Variants in LRFN5 observed in about 807,000 individuals in gnomAD.
The protein encoded by LRFN5 is leucine-rich repeat and fibronectin type-III domain-containing protein 5.
Under a neutral mutation model 45.6 loss-of-function variants are expected in LRFN5, and 24 were observed. The ratio of observed to expected loss-of-function variants is 0.53; its 90% CI spans 0.38 to 0.74. The LOEUF (loss-of-function observed/expected upper bound fraction) is 0.74. Among genes scored for constraint, LRFN5 ranks in the 30% least tolerant of loss-of-function variants. The pLI is 0.00. For missense variants in LRFN5, 776 were observed against 861.5 expected (o/e 0.90, Z 1.24); for synonymous variants, 340 against 313.8 (o/e 1.08, Z -0.88).
intron 2 of LRFN5, among the ~76,000 whole-genome samples, chr14:41,883,547 A>G (rs1890461518): frequency 6.6e-6 from 1 of 152,028 alleles, no homozygotes. Context: ...CCTTGTTTTC[A>G]TCTTTTATAA....
intron 2 of LRFN5, among the ~76,000 whole-genome samples, chr14:41,848,388 TAAAACA>T (rs561556821): frequency 1.7e-3 from 256 of 151,984 alleles, no homozygotes; most frequent in Non-Finnish European, 3.1e-3. Context: ...AAGAAAAAAG[TAAAACA>T]AACCCAAGGT....
chr14:41,717,198 G>A (rs1443745961), intron 1 of LRFN5, among the ~76,000 whole-genome samples: 4 of 152,130 alleles, frequency 2.6e-5, no homozygotes, highest in Non-Finnish European at 5.9e-5. Flanking sequence ...AGTTATGGAC[G>A]TCGTGGTTGC....
At chr14:41,681,503 AC>A (rs1169834279) in intron 1 of LRFN5, among the ~76,000 whole-genome samples, 1 of 152,176 alleles carries the variant, frequency 6.6e-6, no homozygotes, top group Non-Finnish European at 1.5e-5. Flanking sequence ...ACCAAACGGA[AC>A]AAAAAATCAT....
At chr14:41,684,814 T>C (rs1387306564) in intron 1 of LRFN5, among the ~76,000 whole-genome samples, 1 of 152,022 alleles carries the variant, frequency 6.6e-6, no homozygotes, top group African/African-American at 2.4e-5. Context: ...TCACAGTGAG[T>C]TAAAAACCTT....
chr14:41,741,511 G>A (rs1246288047), intron 1 of LRFN5, among the ~76,000 whole-genome samples: 1 of 151,674 alleles, frequency 6.6e-6, no homozygotes, highest in East Asian at 1.9e-4. Flanking sequence ...GCATGAAATT[G>A]GATCTTTCTG....
chr14:41,623,222 C>T (rs1382502130), intron 1 of LRFN5, among the ~76,000 whole-genome samples: 1 of 152,064 alleles, frequency 6.6e-6, no homozygotes, highest in Non-Finnish European at 1.5e-5. Flanking sequence ...CAAAATTAAC[C>T]TCCTGTGGTG....
At chr14:41,710,765 C>T (rs181731324) in intron 1 of LRFN5, among the ~76,000 whole-genome samples, 16 of 152,058 alleles carry the variant, frequency 1.1e-4, no homozygotes, top group African/African-American at 3.6e-4. Context: ...GTTATCCCTC[C>T]CCCGTCCCCC....
intron 2 of LRFN5, among the ~76,000 whole-genome samples, chr14:41,805,108 C>T (rs1370297375): frequency 6.6e-6 from 1 of 151,930 alleles, no homozygotes; most frequent in Non-Finnish European, 1.5e-5. Context: ...TAATAAATAG[C>T]ATCTGTATTT....
At chr14:41,751,729 C>A (rs1349171554) in intron 1 of LRFN5, among the ~76,000 whole-genome samples, 1 of 152,068 alleles carries the variant, frequency 6.6e-6, no homozygotes, top group Admixed American at 6.6e-5. Flanking sequence ...TCCTTAGGAC[C>A]AATCTCCTCC....
chr14:41,719,428 A>G (rs1234730354), intron 1 of LRFN5, among the ~76,000 whole-genome samples: 2 of 152,068 alleles, frequency 1.3e-5, no homozygotes, highest in African/African-American at 2.4e-5. Flanking sequence ...AATATATGTT[A>G]TACATATGTA....
chr14:41,796,746 A>G (rs1053898900), intron 2 of LRFN5, among the ~76,000 whole-genome samples: 2 of 151,892 alleles, frequency 1.3e-5, no homozygotes, highest in Non-Finnish European at 2.9e-5. Context: ...CAACCTCACA[A>G]GCATGGCAAC....
intron 2 of LRFN5, among the ~76,000 whole-genome samples, chr14:41,820,752 A>G (rs938907810): frequency 1.3e-5 from 2 of 151,954 alleles, no homozygotes; most frequent in Admixed American, 1.3e-4. Flanking sequence ...TTCCATGATC[A>G]TGGAATGCTT....
chr14:41,685,630 T>A (rs1882084391), intron 1 of LRFN5, among the ~76,000 whole-genome samples: 1 of 152,144 alleles, frequency 6.6e-6, no homozygotes, highest in Admixed American at 6.5e-5. Flanking sequence ...CCCTCTTGGG[T>A]TAATTTTTGT....
At chr14:41,772,052 AC>A (rs1434611737) in intron 2 of LRFN5, among the ~76,000 whole-genome samples, 1 of 152,176 alleles carries the variant, frequency 6.6e-6, no homozygotes, top group East Asian at 1.9e-4. Context: ...TAGGAAGCTT[AC>A]CGTCATGGCA....
intron 1 of LRFN5, among the ~76,000 whole-genome samples, chr14:41,636,532 T>C (rs975187800): frequency 2.6e-5 from 4 of 151,948 alleles, no homozygotes; most frequent in Non-Finnish European, 4.4e-5. Flanking sequence ...AGAAAGTAGA[T>C]GCTTAGCACC....
In LRFN5 at chr14:41,720,991, C is replaced by T. The variant is rs1883691279; in HGVS notation, c.-196-45863C>T. Among the ~76,000 whole-genome samples the T allele has an allele frequency of 2.6e-5, 4 of 152,136 alleles. No homozygotes were observed. In the South Asian group the frequency reaches 8.3e-4, roughly 32 times the overall value. On this transcript the variant is annotated intron_variant, in intron 1 of 5. Transcript: ENST00000298119. ...TGTTGTCAGTAGGGTGTTGAATTCTCCTACTATCATTCTGTGGCTCTGTAA... is the reference window on the plus strand; with the variant it reads ...TGTTGTCAGTAGGGTGTTGAATTCTTCTACTATCATTCTGTGGCTCTGTAA...
chr14:41,794,882 T>C (rs960411821), intron 2 of LRFN5, among the ~76,000 whole-genome samples: 43 of 151,970 alleles, frequency 2.8e-4, no homozygotes, highest in African/African-American at 1.0e-3. Context: ...GGTCATATGT[T>C]CCTAAGATGC....
At chr14:41,730,097 T>C (rs1275307051) in intron 1 of LRFN5, among the ~76,000 whole-genome samples, 1 of 152,074 alleles carries the variant, frequency 6.6e-6, no homozygotes, top group Non-Finnish European at 1.5e-5. Context: ...TAGCAATTGT[T>C]TTTCTGTTCA....
At chr14:41,716,890 T>C (rs1883516269) in intron 1 of LRFN5, among the ~76,000 whole-genome samples, 1 of 152,184 alleles carries the variant, frequency 6.6e-6, no homozygotes, top group East Asian at 1.9e-4. Context: ...TCTGGTTTTG[T>C]TTGATTTTCT....
Sources: gnomAD v4.1 joint callset for allele counts (sites outside exome capture counted in the v4.1 genomes callset) on GRCh38, gnomAD v4.1.1 for gene constraint, MANE v1.5 for transcripts, NCBI Gene and HGNC (gene_info 2026-07-23, HGNC 2026-07-21) for gene names.